The following BMPR1A variants were observed in gnomAD, a reference collection of about 807,000 sequenced individuals.
BMPR1A encodes the protein bone morphogenetic protein receptor type-1A.
BMPR1A carries 7 observed loss-of-function variants against 66.0 expected under a neutral mutation model. That is an observed-to-expected ratio of 0.11 (90% CI 0.06 to 0.20). The LOEUF (loss-of-function observed/expected upper bound fraction) is 0.20. Ranked by LOEUF, BMPR1A falls within the 10% of genes least tolerant of loss-of-function variation. The pLI, the probability that BMPR1A is intolerant of heterozygous loss-of-function variation, is 1.00. For synonymous variants in BMPR1A, 200 were observed against 229.7 expected (o/e 0.87, Z 1.17); for missense variants, 408 against 669.1 (o/e 0.61, Z 4.31).
chr10:86,788,923 T>G (rs1461295538), intron 1 of BMPR1A, among the ~76,000 whole-genome samples: 1 of 152,066 alleles, frequency 6.6e-6, no homozygotes, highest in Admixed American at 6.6e-5. Flanking sequence ...TCAAATTCCT[T>G]TCCACCATGG....
intron 1 of BMPR1A, among the ~76,000 whole-genome samples, chr10:86,794,121 C>T (rs1841670507): frequency 6.6e-6 from 1 of 152,162 alleles, no homozygotes; most frequent in South Asian, 2.1e-4. Context: ...GTCCCTTTTG[C>T]CATTTAAATA....
At chr10:86,825,628 C>T (rs1458037908) in intron 1 of BMPR1A, among the ~76,000 whole-genome samples, 2 of 151,990 alleles carry the variant, frequency 1.3e-5, no homozygotes, top group Non-Finnish European at 2.9e-5. Flanking sequence ...AGGCACGTGC[C>T]ACCATACTTG....
At chr10:86,904,675 G>A (rs1843360118) in intron 7 of BMPR1A, among the ~76,000 whole-genome samples, 1 of 152,158 alleles carries the variant, frequency 6.6e-6, no homozygotes, top group Non-Finnish European at 1.5e-5. Context: ...CGGAAATGGG[G>A]ATCTAAGTGA....
At chr10:86,792,231 C>G (rs1334532000) in intron 1 of BMPR1A, among the ~76,000 whole-genome samples, 3 of 151,900 alleles carry the variant, frequency 2.0e-5, no homozygotes. Flanking sequence ...CCATGCCTAG[C>G]TAATTTTTGT....
At chr10:86,883,474 C>T (rs1012387790) in intron 3 of BMPR1A, among the ~76,000 whole-genome samples, 14 of 137,878 alleles carry the variant, frequency 1.0e-4, no homozygotes, top group African/African-American at 3.5e-4. Context: ...GGTGTGAACC[C>T]GGGAGGCGGA....
intron 5 of BMPR1A, among the ~76,000 whole-genome samples, chr10:86,896,858 G>A (rs904960811): frequency 5.3e-5 from 8 of 152,184 alleles, no homozygotes; most frequent in Non-Finnish European, 1.0e-4. Flanking sequence ...ACGCCAGCAA[G>A]CATTTTGACC....
chr10:86,775,996 T>C (rs1841342857), intron 1 of BMPR1A, among the ~76,000 whole-genome samples: 2 of 152,192 alleles, frequency 1.3e-5, no homozygotes, highest in Admixed American at 1.3e-4. Context: ...CTCCCACTGC[T>C]CTCCAACTCC....
At chr10:86,815,580 C>T (rs966925373) in intron 1 of BMPR1A, among the ~76,000 whole-genome samples, 2 of 152,090 alleles carry the variant, frequency 1.3e-5, no homozygotes, top group African/African-American at 4.8e-5. Context: ...CAGTCTTTAC[C>T]TCTCTCAAGG....
chr10:86,820,563 C>A (rs1374054202), intron 1 of BMPR1A, among the ~76,000 whole-genome samples: 1 of 152,186 alleles, frequency 6.6e-6, no homozygotes, highest in Non-Finnish European at 1.5e-5. Flanking sequence ...ATCTCTCCAT[C>A]CTTGACTGTT....
At chr10:86,838,734 T>A (rs1842386947) in intron 1 of BMPR1A, 131 bp from the exon 2 acceptor site, 1 of 152,216 alleles carries the variant, frequency 6.6e-6, no homozygotes, top group Non-Finnish European at 1.5e-5. Context: ...GTAAAAACTG[T>A]AGAAATTTTC....
intron 7 of BMPR1A, among the ~76,000 whole-genome samples, chr10:86,902,372 G>GTT (rs113096288): frequency 1.7e-3 from 245 of 147,946 alleles, no homozygotes; most frequent in Admixed American, 5.6e-3. Context: ...TTCTTTTTTT[G>GTT]TTTTTTTTTC....
rs944891273 is a variant in BMPR1A, at chr10:86,926,081, A to G, written c.*2362A>G. The G allele has an allele frequency of 1.7e-5, 3 of 172,458 alleles. No individual in the cohort carries two copies. Among genetic ancestry groups the G allele is most frequent in the Admixed American group, 1.3e-4 (2 of 15,702 alleles). The allele number at this position is 172,458 out of a possible 1,614,324, so 10.7% of individuals were successfully genotyped here. A position where few individuals can be genotyped will look rare whatever the true frequency, so the allele number is the denominator to read the frequency against. On this transcript the variant is annotated 3_prime_UTR_variant, in exon 13 of 13. Coordinates refer to ENST00000372037, the MANE Select transcript of BMPR1A (RefSeq NM_004329.3). Reference sequence around the variant, plus strand: ...GTGGAAGCAAAAAATTACAGCCAGTATATGAGACCACTATTATGGTTTTTT... The same window carrying G: ...GTGGAAGCAAAAAATTACAGCCAGTGTATGAGACCACTATTATGGTTTTTT...
chr10:86,877,848 A>G (rs574111992), intron 3 of BMPR1A, among the ~76,000 whole-genome samples: 2 of 152,294 alleles, frequency 1.3e-5, no homozygotes, highest in East Asian at 3.9e-4. Flanking sequence ...TTTAGATCAC[A>G]CGTAGGCAAT....
chr10:86,802,664 C>T (rs1841828541), intron 1 of BMPR1A, among the ~76,000 whole-genome samples: 1 of 151,758 alleles, frequency 6.6e-6, no homozygotes, highest in Non-Finnish European at 1.5e-5. Flanking sequence ...AGATACTTCT[C>T]ATTCATTAAC....
At chr10:86,922,672 A>G (rs113040121) in intron 11 of BMPR1A, among the ~76,000 whole-genome samples, 1 of 152,360 alleles carries the variant, frequency 6.6e-6, no homozygotes, top group Non-Finnish European at 1.5e-5. Flanking sequence ...AGTTGTGACA[A>G]CACATACAAA....
intron 7 of BMPR1A, among the ~76,000 whole-genome samples, chr10:86,904,838 C>G (rs986413848): frequency 6.6e-6 from 1 of 152,150 alleles, no homozygotes; most frequent in African/African-American, 2.4e-5. Flanking sequence ...TTTTATAGTT[C>G]TAAACTAAAT....
intron 1 of BMPR1A, among the ~76,000 whole-genome samples, chr10:86,776,422 A>G (rs997629790): frequency 1.3e-5 from 2 of 152,224 alleles, no homozygotes; most frequent in African/African-American, 4.8e-5. Context: ...GAAAATAAAA[A>G]TGTAATCTTT....
intron 5 of BMPR1A, among the ~76,000 whole-genome samples, chr10:86,894,046 A>G (rs1384766727): frequency 6.6e-6 from 1 of 152,238 alleles, no homozygotes; most frequent in Admixed American, 6.5e-5. Context: ...TGCTCCTTAT[A>G]TGATCAGCTT....
At chr10:86,898,195 C>G (rs115266512) in intron 5 of BMPR1A, among the ~76,000 whole-genome samples, 1 of 151,844 alleles carries the variant, frequency 6.6e-6, no homozygotes, top group Non-Finnish European at 1.5e-5. Flanking sequence ...GCCACCACAC[C>G]CAGTTTAAAG....
Sources: allele counts gnomAD v4.1 joint callset (sites outside exome capture counted in the v4.1 genomes callset), GRCh38; gene constraint gnomAD v4.1.1; transcripts MANE v1.5; gene names NCBI Gene and HGNC (gene_info 2026-07-23, HGNC 2026-07-21).